TIAM1: variants seen among roughly 807,000 people sequenced by gnomAD.
TIAM1 encodes the protein rho guanine nucleotide exchange factor TIAM1.
TIAM1 carries 65 observed loss-of-function variants against 163.5 expected under a neutral mutation model. That is an observed-to-expected ratio of 0.40 (90% CI 0.33 to 0.49). TIAM1 has a LOEUF of 0.49. Among genes scored for constraint, TIAM1 ranks in the 20% least tolerant of loss-of-function variants. The probability of loss-of-function intolerance (pLI) is 0.77; values close to 1 mark genes in which losing one functional copy is unlikely to be tolerated. For missense variants in TIAM1, 1,789 were observed against 2,044.7 expected (o/e 0.87, Z 2.41); for synonymous variants, 833 against 810.1 (o/e 1.03, Z -0.48).
At chr21:31,223,704 G>A in intron 7 of TIAM1, 113 bp from the exon 8 acceptor site, 1 of 1,113,272 alleles carries the variant, frequency 9.0e-7, no homozygotes, top group Non-Finnish European at 1.2e-6. Flanking sequence ...TAATCCTAAG[G>A]AATAAACAAC....
At chr21:31,469,043 A>G (rs1014184052) in intron 1 of TIAM1, among the ~76,000 whole-genome samples, 1 of 150,144 alleles carries the variant, frequency 6.7e-6, no homozygotes, top group Non-Finnish European at 1.5e-5. Flanking sequence ...TAGGGAACAA[A>G]GGGGCTTCCT....
At position 31,141,535 on chromosome 21, in the gene TIAM1, TG is replaced by T. The variant is rs1333813387; in HGVS notation, c.3476-32del. On this transcript the variant is annotated intron_variant, in intron 20 of 27. Coordinates refer to ENST00000541036, the MANE Select transcript of TIAM1 (RefSeq NM_001353694.2). The surrounding 1 kb of genome is among the most constrained non-coding windows in gnomAD (Gnocchi z 4.7). ...AGGGTTTAAACACAGGTCATGGGGG[TG>T]GAACGCCCACGTGACTCCCTTCCCA... The T allele has an allele frequency of 1.2e-6, 2 of 1,605,514 alleles. No homozygotes were observed. Among genetic ancestry groups the T allele is most frequent in the South Asian group, 2.2e-5 (2 of 89,776 alleles).
chr21:31,504,491 G>C (rs577192145), intron 1 of TIAM1, among the ~76,000 whole-genome samples: 2 of 152,342 alleles, frequency 1.3e-5, no homozygotes, highest in Admixed American at 6.5e-5. Flanking sequence ...GAATGCCACT[G>C]TAAGAAGCAG....
upstream of TIAM1, among the ~76,000 whole-genome samples, chr21:31,346,870 T>G (rs1453888035): frequency 6.6e-6 from 1 of 152,092 alleles, no homozygotes; most frequent in Non-Finnish European, 1.5e-5. Context: ...CTAAGAAGGT[T>G]TCTTTTAGCT....
intron 2 of TIAM1, among the ~76,000 whole-genome samples, chr21:31,404,039 A>C (rs1217494052): frequency 6.6e-6 from 1 of 152,146 alleles, no homozygotes; most frequent in African/African-American, 2.4e-5. Flanking sequence ...AATCCACTCT[A>C]ACAGTTATCA....
chr21:31,389,639 T>G (rs979067574), intron 2 of TIAM1, among the ~76,000 whole-genome samples: 12 of 152,242 alleles, frequency 7.9e-5, no homozygotes, highest in African/African-American at 2.9e-4. Flanking sequence ...ACATTTATAT[T>G]CATTTGAACA....
At chr21:31,467,040 C>T (rs577428777) in intron 1 of TIAM1, among the ~76,000 whole-genome samples, 10 of 151,384 alleles carry the variant, frequency 6.6e-5, no homozygotes, top group Admixed American at 1.3e-4. Flanking sequence ...AGGAAGCTTG[C>T]GATCACTAAC....
At chr21:31,302,518 C>T (rs1006106653) in intron 2 of TIAM1, among the ~76,000 whole-genome samples, 1 of 152,200 alleles carries the variant, frequency 6.6e-6, no homozygotes, top group Non-Finnish European at 1.5e-5. Flanking sequence ...AAAGTAGAAG[C>T]TGTTGTGTTG....
At chr21:31,420,287 G>A (rs2043520438) in intron 2 of TIAM1, among the ~76,000 whole-genome samples, 1 of 152,088 alleles carries the variant, frequency 6.6e-6, no homozygotes, top group Non-Finnish European at 1.5e-5. Context: ...TCATAGCCCA[G>A]GACAGCCACA....
intron 2 of TIAM1, among the ~76,000 whole-genome samples, chr21:31,290,442 T>C (rs1457616516): frequency 6.6e-6 from 1 of 151,820 alleles, no homozygotes. Flanking sequence ...AAGACCAGCC[T>C]GGCCAACATG....
intron 2 of TIAM1, among the ~76,000 whole-genome samples, chr21:31,463,062 G>T (rs906586108): frequency 6.6e-6 from 1 of 151,686 alleles, no homozygotes. Context: ...CTCTTCTTAT[G>T]TCTAGCAGCA....
chr21:31,454,549 C>A (rs773444897), intron 2 of TIAM1, among the ~76,000 whole-genome samples: 1 of 152,096 alleles, frequency 6.6e-6, no homozygotes, highest in Non-Finnish European at 1.5e-5. Context: ...CCCAACCCAG[C>A]AGGGTGAGGA....
intron 14 of TIAM1, 92 bp downstream of exon 14, chr21:31,186,909 G>T: frequency 9.5e-7 from 1 of 1,048,072 alleles, no homozygotes; most frequent in Non-Finnish European, 1.5e-6. Flanking sequence ...TTCCACAAAT[G>T]AATCCTTTGG....
At chr21:31,269,826 C>G (rs1193514129) in intron 3 of TIAM1, among the ~76,000 whole-genome samples, 11 of 152,272 alleles carry the variant, frequency 7.2e-5, no homozygotes, top group Non-Finnish European at 8.8e-5. Context: ...CGCCCGCCAC[C>G]ACGCCTGGCT....
At chr21:31,506,604 T>C (rs979190632) in intron 1 of TIAM1, among the ~76,000 whole-genome samples, 1 of 152,236 alleles carries the variant, frequency 6.6e-6, no homozygotes, top group African/African-American at 2.4e-5. Context: ...TTCATCCATG[T>C]TGTAGCATGT....
At chr21:31,430,099 C>T (rs1035715144) in intron 2 of TIAM1, among the ~76,000 whole-genome samples, 13 of 151,038 alleles carry the variant, frequency 8.6e-5, no homozygotes, top group African/African-American at 1.9e-4. Context: ...CCGGCTACTC[C>T]GGAGGCTGAG....
chr21:31,334,689 TC>T (rs1014847069), intron 2 of TIAM1, among the ~76,000 whole-genome samples: 2 of 152,062 alleles, frequency 1.3e-5, no homozygotes, highest in African/African-American at 4.8e-5. Context: ...TTCATTCCCA[TC>T]CCCATAAGCA....
Position 31,120,647 on chromosome 21 carries a change from G to A in TIAM1, c.4497C>T (p.Ile1499=). 1 of 1,614,094 alleles carries A rather than the reference G, an allele frequency of 6.2e-7. No homozygotes were observed. Among genetic ancestry groups the A allele is most frequent in the Non-Finnish European group, 8.5e-7 (1 of 1,180,030 alleles). ...DLAQYEEQDD[I]KETDILSDDD... is the part of the protein sequence containing the mutation. Reference sequence around the variant, plus strand: ...CGTCACTGAGGATGTCTGTCTCCTTGATGTCATCTTGCTCCTCATACTGAG... The same window carrying A: ...CGTCACTGAGGATGTCTGTCTCCTTAATGTCATCTTGCTCCTCATACTGAG... The change falls in exon 28 of 28, where the codon ATC becomes ATT. Residue 1499 remains isoleucine, a synonymous_variant. Transcript: ENST00000541036. The surrounding 1 kb of genome is among the most constrained non-coding windows in gnomAD (Gnocchi z 4.2).
At chr21:31,355,882 A>G (rs1427404133) in intron 2 of TIAM1, among the ~76,000 whole-genome samples, 1 of 151,922 alleles carries the variant, frequency 6.6e-6, no homozygotes, top group African/African-American at 2.4e-5. Context: ...CATGCTGAAT[A>G]TTTTCTTATT....
Sources: gnomAD v4.1 joint callset for allele counts (sites outside exome capture counted in the v4.1 genomes callset) on GRCh38, gnomAD v4.1.1 for gene constraint, Gnocchi (gnomAD v3.1) non-coding constraint, MANE v1.5 for transcripts, NCBI Gene and HGNC (gene_info 2026-07-23, HGNC 2026-07-21) for gene names.